Variants in SPRY3 observed in about 807,000 individuals in gnomAD.
SPRY3 encodes sprouty RTK signaling antagonist 3.
A neutral mutation model predicts 20.2 loss-of-function variants in SPRY3; 15 were observed. That is an observed-to-expected ratio of 0.74 (90% confidence interval 0.50 to 1.14). The LOEUF (loss-of-function observed/expected upper bound fraction) is 1.14, where lower values mean the gene tolerates loss of function less well. Among genes scored for constraint, SPRY3 ranks in the 50% most tolerant of loss-of-function variants. SPRY3 has a pLI of 0.00. For synonymous variants in SPRY3, 143 were observed against 136.5 expected (o/e 1.05, Z -0.33); for missense variants, 364 against 363.9 (o/e 1.00, Z 0.00).
At chrX:155,697,627 G>A (rs1016971938) in intron 2 of SPRY3, among the ~76,000 whole-genome samples, 3 of 108,215 alleles carry the variant, frequency 2.8e-5, no homozygotes, top group Non-Finnish European at 5.8e-5. Flanking sequence ...GTGCATTGTA[G>A]GTAGGGGTGT....
intron 2 of SPRY3, among the ~76,000 whole-genome samples, chrX:155,731,994 G>A (rs1334838354): frequency 6.6e-6 from 1 of 151,902 alleles, no homozygotes; most frequent in Non-Finnish European, 1.5e-5. Context: ...TTTAGTAATG[G>A]TATTTCCGTT....
At chrX:155,695,789 A>G (rs1184981520) in intron 2 of SPRY3, among the ~76,000 whole-genome samples, 3 of 110,329 alleles carry the variant, frequency 2.7e-5, no homozygotes, top group Admixed American at 9.7e-5. Context: ...TGCATTTTTT[A>G]TCTCCAAAAT....
intron 2 of SPRY3, among the ~76,000 whole-genome samples, chrX:155,733,530 C>T (rs1046066797): frequency 4.6e-5 from 7 of 151,752 alleles, no homozygotes; most frequent in African/African-American, 1.5e-4. Flanking sequence ...ATTTCTAGAG[C>T]ATAGGCAGAG....
chrX:155,725,693 A>G (rs1312703175), intron 2 of SPRY3, among the ~76,000 whole-genome samples: 1 of 151,842 alleles, frequency 6.6e-6, no homozygotes, highest in African/African-American at 2.4e-5. Flanking sequence ...TATTGCATCT[A>G]TTTGATTCTT....
In SPRY3 at chrX:155,682,686, A is replaced by G. The variant is rs1193580218; in HGVS notation, c.-282+25661A>G. Among the ~76,000 whole-genome samples the G allele has an allele frequency of 2.7e-5, 3 of 111,245 alleles. No individual in the cohort carries two copies. The Admixed American group carries it at 2.9e-4, about 11-fold the overall frequency. On this transcript the variant is annotated intron_variant, in intron 2 of 3. Transcript: ENST00000675360. ...CAGATGTGTGCCATCGCACCTGGCT[A>G]ATTTTTAAAATTTTTTGTAAAGATA...
chrX:155,753,180 A>G (rs1243959521), intron 2 of SPRY3, among the ~76,000 whole-genome samples: 4 of 151,916 alleles, frequency 2.6e-5, no homozygotes, highest in Non-Finnish European at 5.9e-5. Flanking sequence ...TTGTACAACT[A>G]TCACCACTAT....
chrX:155,646,302 ATTGT>A (rs1557351865), intron 1 of SPRY3, among the ~76,000 whole-genome samples: 1 of 111,664 alleles, frequency 9.0e-6, no homozygotes, highest in Non-Finnish European at 1.9e-5. Context: ...AAACTTTAGG[ATTGT>A]TTGTTCTATT....
Position 155,774,055 on chromosome X carries a change from C to T in SPRY3, c.184C>T (p.Leu62Phe), listed in dbSNP as rs559958156. ...GTCTCTGGCTACCATGCCTACTTCTCTCCCCCGCAGTCTCAGCCAGTGCCA... is the reference window on the plus strand; with the variant it reads ...GTCTCTGGCTACCATGCCTACTTCTTTCCCCCGCAGTCTCAGCCAGTGCCA... The change falls in exon 4 of 4, where the codon CTC (leucine) becomes TTC (phenylalanine). Residue 62 changes from leucine to phenylalanine, a missense_variant. By Grantham distance (22) the Leu-to-Phe change is conservative. Transcript: ENST00000675360. The T allele has an allele frequency of 3.1e-6, 5 of 1,613,948 alleles. No homozygotes were observed. The African/African-American group carries it at 5.3e-5, about 17-fold the overall frequency.
intron 2 of SPRY3, among the ~76,000 whole-genome samples, chrX:155,704,687 T>C (rs1334205903): frequency 1.3e-5 from 2 of 151,548 alleles, no homozygotes; most frequent in African/African-American, 2.4e-5. Flanking sequence ...GCACCAAACA[T>C]GACTTTTTAA....
intron 2 of SPRY3, among the ~76,000 whole-genome samples, chrX:155,722,618 A>T (rs2091067279): frequency 6.6e-6 from 1 of 152,178 alleles, no homozygotes; most frequent in Non-Finnish European, 1.5e-5. Flanking sequence ...AAGGATGAGA[A>T]CATCACAAAA....
chrX:155,777,107 T>C (rs1236486529), downstream of SPRY3: 1 of 167,014 alleles, frequency 6.0e-6, no homozygotes, highest in African/African-American at 2.4e-5. Flanking sequence ...GATTGTACTT[T>C]ACACTTATCT....
chrX:155,711,842 C>T (rs1253641881), intron 2 of SPRY3, among the ~76,000 whole-genome samples: 3 of 151,052 alleles, frequency 2.0e-5, no homozygotes, highest in Non-Finnish European at 3.0e-5. Flanking sequence ...GGACTTATAG[C>T]TATAAATTTT....
intron 3 of SPRY3, among the ~76,000 whole-genome samples, chrX:155,768,403 A>G (rs1459706893): frequency 6.6e-6 from 1 of 152,190 alleles, no homozygotes; most frequent in Non-Finnish European, 1.5e-5. Context: ...GCGAATGTCA[A>G]TTTAATTTCT....
At chrX:155,677,748 A>G (rs1463912795) in intron 2 of SPRY3, among the ~76,000 whole-genome samples, 2 of 112,051 alleles carry the variant, frequency 1.8e-5, no homozygotes, top group East Asian at 5.6e-4. Context: ...ATAACCAGAA[A>G]GTAGAAGTCC....
intron 1 of SPRY3, among the ~76,000 whole-genome samples, chrX:155,655,011 A>C (rs782722205): frequency 9.0e-6 from 1 of 111,326 alleles, no homozygotes; most frequent in African/African-American, 3.3e-5. Flanking sequence ...TTTCCTCTAA[A>C]TCCTTGCCAA....
intron 2 of SPRY3, among the ~76,000 whole-genome samples, chrX:155,691,157 C>G (rs993760711): frequency 1.1e-5 from 1 of 87,258 alleles, no homozygotes; most frequent in Non-Finnish European, 2.1e-5. Context: ...TTGTTTGCCC[C>G]AAGAATACTC....
At chrX:155,751,948 TAAAATAA>T (rs1970600535) in intron 2 of SPRY3, among the ~76,000 whole-genome samples, 1 of 121,204 alleles carries the variant, frequency 8.3e-6, no homozygotes, top group Admixed American at 7.8e-5. Context: ...TAAAATAAAA[TAAAATAA>T]AATAAAATAA....
chrX:155,730,920 C>G (rs1353864412), intron 2 of SPRY3, among the ~76,000 whole-genome samples: 1 of 151,786 alleles, frequency 6.6e-6, no homozygotes, highest in East Asian at 1.9e-4. Context: ...ACAATAGCTA[C>G]AAGTAAAATC....
At chrX:155,735,641 T>A (rs1199565593) in intron 2 of SPRY3, among the ~76,000 whole-genome samples, 1 of 152,078 alleles carries the variant, frequency 6.6e-6, no homozygotes, top group African/African-American at 2.4e-5. Context: ...AGCTTTCTTT[T>A]GATTGCTGAC....
Sources: gnomAD v4.1 joint callset for allele counts (sites outside exome capture counted in the v4.1 genomes callset) on GRCh38, gnomAD v4.1.1 for gene constraint, MANE v1.5 for transcripts, NCBI Gene and HGNC (gene_info 2026-07-23, HGNC 2026-07-21) for gene names.